The following HSPA12A variants were observed in gnomAD, a reference collection of about 807,000 sequenced individuals.
The protein encoded by HSPA12A is heat shock protein family A (Hsp70) member 12A.
Under a neutral mutation model 69.2 loss-of-function variants are expected in HSPA12A, and 28 were observed. That is an observed-to-expected ratio of 0.40 (90% confidence interval 0.30 to 0.55). The LOEUF is 0.55. Among genes scored for constraint, HSPA12A ranks in the 20% least tolerant of loss-of-function variants. The pLI is 0.38. For synonymous variants in HSPA12A, 345 were observed against 370.5 expected (o/e 0.93, Z 0.79); for missense variants, 686 against 900.7 (o/e 0.76, Z 3.05).
At chr10:116,747,746 C>A (rs1232450329) in intron 2 of HSPA12A, among the ~76,000 whole-genome samples, 2 of 152,130 alleles carry the variant, frequency 1.3e-5, no homozygotes, top group African/African-American at 2.4e-5. Context: ...TGCCTGTAAT[C>A]GCAGCATTTG....
At chr10:116,813,245 C>CGATTTT (rs1845229647) in intron 2 of HSPA12A, among the ~76,000 whole-genome samples, 1 of 12,790 alleles carries the variant, frequency 7.8e-5, no homozygotes. Flanking sequence ...ATCCAGAGCT[C>CGATTTT]TATTTTTTTT....
chr10:116,780,542 T>C (rs1253230414), intron 2 of HSPA12A, among the ~76,000 whole-genome samples: 4 of 151,792 alleles, frequency 2.6e-5, no homozygotes, highest in African/African-American at 9.7e-5. Context: ...TTTATTTTAT[T>C]TTATTTTATT....
intron 6 of HSPA12A, among the ~76,000 whole-genome samples, chr10:116,688,756 A>G (rs1849650432): frequency 6.6e-6 from 1 of 152,212 alleles, no homozygotes; most frequent in Non-Finnish European, 1.5e-5. Flanking sequence ...AGGATCATAC[A>G]TATGGGAGCA....
rs1047199515 is a variant in HSPA12A at position 116,674,583 on chromosome 10, A to C, written c.*198T>G. 53 of 617,012 alleles carry C rather than the reference A, an allele frequency of 8.6e-5. No individual in the cohort carries two copies. The Middle Eastern group carries it at 6.1e-3, about 71-fold the overall frequency. The allele number at this position is 617,012 out of a possible 1,614,324, so 38.2% of individuals were successfully genotyped here. The stretch of plus-strand genomic sequence containing the variant: ...CTTTAATTTTCTATGCCTAAACCTT[A>C]ATCTTAATTTCTGTTTTTCTGACTC... On this transcript the variant is annotated 3_prime_UTR_variant, in exon 12 of 12. Coordinates refer to ENST00000369209, the MANE Select transcript of HSPA12A (RefSeq NM_025015.3).
chr10:116,755,247 T>C (rs1302828725), intron 2 of HSPA12A, among the ~76,000 whole-genome samples: 1 of 152,174 alleles, frequency 6.6e-6, no homozygotes, highest in Non-Finnish European at 1.5e-5. Context: ...GCCACTGCTC[T>C]TGGCCTATCC....
At position 116,849,639 on chromosome 10, in the gene HSPA12A, G is replaced by A. The variant is rs1031451436; in HGVS notation, c.-71C>T. 7.1e-6 allele frequency: 11 copies of A among 1,550,206 alleles called. No individual in the cohort carries two copies. The highest frequency in any genetic ancestry group is 9.6e-6 in the Non-Finnish European group (11 of 1,146,870). ...GCAGAAGCTGAAGCAGCAGGCGATG[G>A]AGTACTACCGGGAGAACGACGTTCC... On this transcript the variant is annotated 5_prime_UTR_variant, in exon 1 of 13. Transcript: ENST00000635765.
Position 116,692,469 on chromosome 10 carries a change from T to C in HSPA12A, c.547-2A>G. 2 of 1,612,026 alleles carry C rather than the reference T, an allele frequency of 1.2e-6. No homozygotes were observed. The highest frequency in any genetic ancestry group is 1.7e-6 in the Non-Finnish European group (2 of 1,178,182). ...CGAACCCGCCTGGTCACTCAGCTCC[T>C]GAAGCCAAGGGAAAGAAATGCAACA... On this transcript the variant is annotated splice_acceptor_variant, in intron 5 of 11. Coordinates refer to ENST00000369209, the MANE Select transcript of HSPA12A (RefSeq NM_025015.3). LOFTEE classifies it high-confidence loss of function.
At chr10:116,819,366 T>C (rs1230637222) in intron 2 of HSPA12A, among the ~76,000 whole-genome samples, 1 of 152,062 alleles carries the variant, frequency 6.6e-6, no homozygotes, top group Non-Finnish European at 1.5e-5. Flanking sequence ...GTGGTCTGAG[T>C]CTTTGTGTCC....
chr10:116,789,564 A>G (rs534174686), intron 2 of HSPA12A, among the ~76,000 whole-genome samples: 3 of 152,230 alleles, frequency 2.0e-5, no homozygotes, highest in East Asian at 1.9e-4. Context: ...GTGAACACTC[A>G]AGCTGCTTAT....
In HSPA12A at chr10:116,672,739, C is replaced by T. The variant is rs560356295; in HGVS notation, c.*2042G>A. The T allele has an allele frequency of 6.5e-6, 1 of 152,704 alleles. No homozygotes were observed. Among genetic ancestry groups the T allele is most frequent in the East Asian group, 1.9e-4 (1 of 5,182 alleles). 9.5% of individuals were successfully genotyped at this position (152,704 alleles called of 1,614,324 possible). ...GTACATAAAATTATATTACTCATAA[C>T]TATATTGAAAAGTCTTATTTGTAGA... On this transcript the variant is annotated 3_prime_UTR_variant, in exon 12 of 12. Coordinates refer to ENST00000369209, the MANE Select transcript of HSPA12A (RefSeq NM_025015.3).
intron 1 of HSPA12A, among the ~76,000 whole-genome samples, chr10:116,734,278 T>C (rs1417846794): frequency 1.3e-5 from 2 of 151,854 alleles, no homozygotes; most frequent in Non-Finnish European, 2.9e-5. Flanking sequence ...GGTGAAACTC[T>C]GCCTCTACTA....
chr10:116,793,161 A>T (rs1844736458), intron 2 of HSPA12A, among the ~76,000 whole-genome samples: 1 of 152,246 alleles, frequency 6.6e-6, no homozygotes, highest in Non-Finnish European at 1.5e-5. Context: ...ACTACAATAA[A>T]GGAAACTCTA....
At chr10:116,774,846 C>T (rs1391434647) in intron 2 of HSPA12A, among the ~76,000 whole-genome samples, 11 of 152,234 alleles carry the variant, frequency 7.2e-5, no homozygotes, top group African/African-American at 2.7e-4. Flanking sequence ...CTGGCCCCTG[C>T]AGGCCCCAGT....
intron 1 of HSPA12A, among the ~76,000 whole-genome samples, chr10:116,838,966 G>A (rs1282927087): frequency 1.3e-5 from 2 of 152,178 alleles, no homozygotes; most frequent in African/African-American, 2.4e-5. Context: ...TAGTAAATCC[G>A]TGTGTTTACA....
At chr10:116,799,786 A>G (rs1198221543) in intron 2 of HSPA12A, among the ~76,000 whole-genome samples, 1 of 152,190 alleles carries the variant, frequency 6.6e-6, no homozygotes, top group Non-Finnish European at 1.5e-5. Context: ...CACACCAGGT[A>G]GGTGCTCAGC....
chr10:116,836,099 A>G (rs901941265), intron 1 of HSPA12A, among the ~76,000 whole-genome samples: 5 of 152,172 alleles, frequency 3.3e-5, no homozygotes, highest in African/African-American at 4.8e-5. Flanking sequence ...ATTGAACCGA[A>G]CAGTGCTCAG....
intron 2 of HSPA12A, among the ~76,000 whole-genome samples, chr10:116,792,403 T>C (rs1291928892): frequency 1.3e-5 from 2 of 151,784 alleles, no homozygotes; most frequent in African/African-American, 4.8e-5. Flanking sequence ...AGAAGATATA[T>C]GGGGGTGAGA....
intron 1 of HSPA12A, among the ~76,000 whole-genome samples, chr10:116,714,219 T>G (rs4751610): frequency 6.6e-6 from 1 of 151,666 alleles, no homozygotes; most frequent in Non-Finnish European, 1.5e-5. Flanking sequence ...AGACTAAGAG[T>G]GTCAGGGAGT....
chr10:116,793,091 A>G (rs1844735083), intron 2 of HSPA12A, among the ~76,000 whole-genome samples: 1 of 152,232 alleles, frequency 6.6e-6, no homozygotes, highest in Non-Finnish European at 1.5e-5. Flanking sequence ...CATTTCAAGA[A>G]CAAGGTGAAA....
Sources: allele counts gnomAD v4.1 joint callset (sites outside exome capture counted in the v4.1 genomes callset), GRCh38; gene constraint gnomAD v4.1.1; transcripts MANE v1.5; gene names NCBI Gene and HGNC (gene_info 2026-07-23, HGNC 2026-07-21).